Variants in SLC35F2 observed in about 807,000 individuals in gnomAD.
SLC35F2 encodes queuine/queuosine transporter SLC35F2.
A neutral mutation model predicts 38.1 loss-of-function variants in SLC35F2; 25 were observed. The observed-to-expected ratio is 0.66, with a 90% confidence interval of 0.48 to 0.92. The LOEUF is 0.92. Ranked by LOEUF, SLC35F2 falls within the 40% of genes least tolerant of loss-of-function variation. The pLI, the probability that SLC35F2 is intolerant of heterozygous loss-of-function variation, is 0.00. For missense variants in SLC35F2, 409 were observed against 452.9 expected (o/e 0.90, Z 0.88); for synonymous variants, 173 against 181.7 (o/e 0.95, Z 0.38).
chr11:107,842,705 T>C (rs1860030849), intron 1 of SLC35F2, among the ~76,000 whole-genome samples: 1 of 152,118 alleles, frequency 6.6e-6, no homozygotes, highest in African/African-American at 2.4e-5. Flanking sequence ...TGGAAATTGG[T>C]ACGACTGCTT....
chr11:107,811,592 T>A (rs1218201658), intron 3 of SLC35F2, 75 bp downstream of exon 3: 2 of 1,346,380 alleles, frequency 1.5e-6, no homozygotes, highest in Non-Finnish European at 1.0e-6. Flanking sequence ...TCAATAAAAT[T>A]AGGTCAACAC....
intron 2 of SLC35F2, among the ~76,000 whole-genome samples, chr11:107,814,148 AC>A: frequency 6.6e-6 from 1 of 152,172 alleles, no homozygotes; most frequent in South Asian, 2.1e-4. Context: ...AGACCTTCAA[AC>A]CCCTTTACAA....
At chr11:107,825,238 T>C (rs1859734995) in intron 1 of SLC35F2, among the ~76,000 whole-genome samples, 1 of 152,172 alleles carries the variant, frequency 6.6e-6, no homozygotes. Context: ...TAGTATTGAA[T>C]AACACAGCCC....
chr11:107,806,710 G>A lies in SLC35F2; in HGVS notation c.574+7C>T, dbSNP rs781561067. The A allele has an allele frequency of 1.0e-4, 162 of 1,613,448 alleles. No homozygotes were observed. Among genetic ancestry groups the A allele is most frequent in the African/African-American group, 2.1e-4 (16 of 74,876 alleles). ...GATTGAAGCACAAACATGTGACACC[G>A]TCTCACCTGAATTGTCTTCCCTCCC... is the stretch of plus-strand genomic sequence containing the variant. On this transcript the variant is annotated splice_region_variant and intron_variant, in intron 4 of 7. Coordinates refer to ENST00000525815, the MANE Select transcript of SLC35F2 (RefSeq NM_017515.5).
At chr11:107,800,598 G>A (rs1446071855) in intron 7 of SLC35F2, among the ~76,000 whole-genome samples, 1 of 152,130 alleles carries the variant, frequency 6.6e-6, no homozygotes, top group Non-Finnish European at 1.5e-5. Context: ...GAAAAGACAG[G>A]TCTCGCTCTG....
intron 1 of SLC35F2, among the ~76,000 whole-genome samples, chr11:107,827,884 C>T (rs2134817962): frequency 6.6e-6 from 1 of 152,254 alleles, no homozygotes; most frequent in South Asian, 2.1e-4. Flanking sequence ...GCACTCCAGC[C>T]TGGGCGATAG....
intron 2 of SLC35F2, among the ~76,000 whole-genome samples, chr11:107,813,730 A>G (rs1358088225): frequency 6.6e-6 from 1 of 151,988 alleles, no homozygotes; most frequent in Non-Finnish European, 1.5e-5. Context: ...CAGTGGTGTG[A>G]TCTTGGCTCA....
chr11:107,831,051 C>T (rs1422612286), intron 1 of SLC35F2, among the ~76,000 whole-genome samples: 1 of 152,142 alleles, frequency 6.6e-6, no homozygotes, highest in Non-Finnish European at 1.5e-5. Context: ...GAAACAGTGT[C>T]ATATTCCTCT....
At chr11:107,840,575 A>C (rs1285206304) in intron 1 of SLC35F2, 3 of 152,196 alleles carry the variant, frequency 2.0e-5, no homozygotes, top group African/African-American at 7.2e-5. Context: ...GTGTGATCTA[A>C]ATTGTCCAAT....
chr11:107,849,265 G>A (rs1012426932), intron 1 of SLC35F2, among the ~76,000 whole-genome samples: 4 of 152,060 alleles, frequency 2.6e-5, no homozygotes, highest in South Asian at 2.1e-4. Context: ...GATTGGGGTC[G>A]GGGATAGATG....
At chr11:107,807,193 G>A (rs1859406316) in intron 3 of SLC35F2, among the ~76,000 whole-genome samples, 1 of 151,296 alleles carries the variant, frequency 6.6e-6, no homozygotes, top group African/African-American at 2.4e-5. Context: ...TTAGCACTTT[G>A]GGAGGCTGTG....
At chr11:107,805,322 CTTATT>C in intron 5 of SLC35F2, 32 bp downstream of exon 5, 1 of 1,565,190 alleles carries the variant, frequency 6.4e-7, no homozygotes, top group Non-Finnish European at 8.6e-7. Flanking sequence ...AATATATTTG[CTTATT>C]TTGTCTTTAG....
intron 1 of SLC35F2, among the ~76,000 whole-genome samples, chr11:107,843,857 AAAAAAAAAAAAATATAT>A (rs1860052785): frequency 2.3e-5 from 1 of 43,018 alleles, no homozygotes; most frequent in African/African-American, 8.9e-5. Context: ...AAAAAAAAAA[AAAAAAAAAAAAATATAT>A]ATATATATAT....
chr11:107,800,757 G>C (rs1214057025), intron 7 of SLC35F2, among the ~76,000 whole-genome samples: 1 of 151,994 alleles, frequency 6.6e-6, no homozygotes, highest in East Asian at 1.9e-4. Context: ...CATTATTTTT[G>C]TATTTTTTTG....
chr11:107,816,015 T>TACACACACACACAC lies in SLC35F2; in HGVS notation c.111-64_111-51dup, dbSNP rs370565333. 8.0e-4 allele frequency: 979 copies of TACACACACACACAC among 1,228,830 alleles called. 8 individuals carry two copies. The African/African-American group carries it at 0.015, about 19-fold the overall frequency. 76.1% of individuals were successfully genotyped at this position (1,228,830 alleles called of 1,614,324 possible). On this transcript the variant is annotated intron_variant, in intron 1 of 7. Coordinates refer to ENST00000525815, the MANE Select transcript of SLC35F2 (RefSeq NM_017515.5). ...AACAGCATGCAAATAAGTTATACCT[T>TACACACACACACAC]ACACACACACACACACACACACACA...
intron 2 of SLC35F2, among the ~76,000 whole-genome samples, chr11:107,814,825 C>T (rs1859541150): frequency 6.6e-6 from 1 of 152,158 alleles, no homozygotes. Context: ...TATCTGGGCA[C>T]AGTGGCTCAC....
At chr11:107,851,571 G>A (rs593673) in intron 1 of SLC35F2, among the ~76,000 whole-genome samples, 34,595 of 149,318 alleles carry the variant, frequency 0.23, 5,076 homozygotes, top group Non-Finnish European at 0.33. Context: ...AATGCAGAGT[G>A]GAAATTTTTT....
At position 107,796,891 on chromosome 11, in the gene SLC35F2, T is replaced by G. The variant is rs1036441043; in HGVS notation, c.940-4091A>C. 2.6e-5 allele frequency among the ~76,000 whole-genome samples: 4 copies of G among 152,194 alleles called. No homozygotes were observed. The East Asian group carries it at 7.7e-4, about 29-fold the overall frequency. On this transcript the variant is annotated intron_variant, in intron 7 of 7. Transcript: ENST00000525815. ...TTGTGCCATGTTGCCCAGGCTGGTC[T>G]CAAACTCTTGAGCTCAAGCAATCTG... is the stretch of plus-strand genomic sequence containing the variant.
intron 1 of SLC35F2, chr11:107,821,619 C>G: frequency 1.0e-6 from 1 of 985,400 alleles, no homozygotes; most frequent in Non-Finnish European, 1.2e-6. Flanking sequence ...GAATTCTGAA[C>G]AGAGGAACCC....
Sources: allele counts gnomAD v4.1 joint callset (sites outside exome capture counted in the v4.1 genomes callset), GRCh38; gene constraint gnomAD v4.1.1; transcripts MANE v1.5; gene names NCBI Gene and HGNC (gene_info 2026-07-23, HGNC 2026-07-21).